The following DLG2 variants were observed in gnomAD, a reference collection of about 807,000 sequenced individuals.
DLG2 encodes the protein disks large homolog 2.
A neutral mutation model predicts 132.5 loss-of-function variants in DLG2; 45 were observed. That is an observed-to-expected ratio of 0.34 (90% CI 0.27 to 0.44). The LOEUF (loss-of-function observed/expected upper bound fraction) is 0.44, where lower values mean the gene tolerates loss of function less well. Among genes scored for constraint, DLG2 ranks in the 20% least tolerant of loss-of-function variants. The pLI, the probability that DLG2 is intolerant of heterozygous loss-of-function variation, is 1.00. For missense variants in DLG2, 1,045 were observed against 1,196.9 expected (o/e 0.87, Z 1.87); for synonymous variants, 424 against 419.6 (o/e 1.01, Z -0.13).
At chr11:83,879,787 T>C (rs972355841) in intron 15 of DLG2, among the ~76,000 whole-genome samples, 2 of 152,174 alleles carry the variant, frequency 1.3e-5, no homozygotes, top group African/African-American at 4.8e-5. Context: ...GATGACTCTT[T>C]CATTCCTCAA....
At chr11:83,778,766 A>G (rs2094690564) in intron 18 of DLG2, among the ~76,000 whole-genome samples, 2 of 152,120 alleles carry the variant, frequency 1.3e-5, no homozygotes, top group Admixed American at 1.3e-4. Flanking sequence ...AGCATGATTA[A>G]TTATTAAGGA....
At chr11:83,499,560 G>A (rs1209342794) in intron 21 of DLG2, among the ~76,000 whole-genome samples, 1 of 151,278 alleles carries the variant, frequency 6.6e-6, no homozygotes, top group Admixed American at 6.6e-5. Flanking sequence ...ATTAATAACT[G>A]GTCCCAAGAA....
chr11:85,134,528 C>CAAAAAAAA (rs58266385), intron 5 of DLG2, among the ~76,000 whole-genome samples: 1 of 34,960 alleles, frequency 2.9e-5, no homozygotes, highest in African/African-American at 9.8e-5. Context: ...GACTCCGTCT[C>CAAAAAAAA]AAAAAAAAAA....
chr11:85,461,033 T>C (rs774565486), intron 3 of DLG2, among the ~76,000 whole-genome samples: 16 of 152,204 alleles, frequency 1.1e-4, no homozygotes, highest in African/African-American at 3.4e-4. Flanking sequence ...CCACTGCAAA[T>C]ATATGTTTTC....
chr11:84,143,672 T>G (rs758691478), intron 9 of DLG2, among the ~76,000 whole-genome samples: 6 of 152,160 alleles, frequency 3.9e-5, no homozygotes, highest in Non-Finnish European at 7.4e-5. Flanking sequence ...TTGAAATAAT[T>G]TCAGTTTTTC....
intron 6 of DLG2, among the ~76,000 whole-genome samples, chr11:84,615,137 A>G (rs1171204215): frequency 6.6e-6 from 1 of 152,144 alleles, no homozygotes; most frequent in Non-Finnish European, 1.5e-5. Flanking sequence ...GTTATGTGAA[A>G]ATCATGAAAA....
chr11:85,313,148 A>T (rs1345142430), intron 3 of DLG2, among the ~76,000 whole-genome samples: 1 of 151,928 alleles, frequency 6.6e-6, no homozygotes, highest in African/African-American at 2.4e-5. Context: ...ATAAATTTTT[A>T]AAAAAGGGGA....
chr11:84,024,184 C>T (rs2154080734), intron 11 of DLG2, among the ~76,000 whole-genome samples: 1 of 152,196 alleles, frequency 6.6e-6, no homozygotes, highest in East Asian at 1.9e-4. Flanking sequence ...GATCTGAAGG[C>T]ACGAGAAAGC....
At chr11:84,524,881 C>T (rs558369981) in intron 7 of DLG2, among the ~76,000 whole-genome samples, 194 of 147,922 alleles carry the variant, frequency 1.3e-3, no homozygotes, top group Non-Finnish European at 2.2e-3. Flanking sequence ...TAATCAAATA[C>T]GTATTTTAAA....
At chr11:85,412,760 C>CATATATAT (rs200280952) in intron 3 of DLG2, among the ~76,000 whole-genome samples, 1 of 113,242 alleles carries the variant, frequency 8.8e-6, no homozygotes, top group African/African-American at 3.7e-5. Context: ...CACACACACA[C>CATATATAT]ATATATATAT....
chr11:84,533,992 A>T (rs186127146), intron 7 of DLG2, among the ~76,000 whole-genome samples: 5 of 150,358 alleles, frequency 3.3e-5, no homozygotes, highest in African/African-American at 4.9e-5. Flanking sequence ...TCATTTAATT[A>T]TACCTTCTTC....
intron 11 of DLG2, among the ~76,000 whole-genome samples, chr11:83,992,368 G>A (rs1047240162): frequency 6.6e-6 from 1 of 152,070 alleles, no homozygotes; most frequent in Admixed American, 6.6e-5. Context: ...CATATAGGTG[G>A]GCGGCCTACC....
rs184665910 is a variant in DLG2 at position 85,236,611 on chromosome 11, G to A, written c.186+48609C>T. 8.6e-4 allele frequency among the ~76,000 whole-genome samples: 131 copies of A among 152,076 alleles called. 1 individual carries two copies. The highest frequency in any genetic ancestry group is 3.0e-3 in the African/African-American group (126 of 41,520). ...AATGGGGATTAGGGCTTCAACATAC[G>A]AATTTCAGGGGAGACATAATTTAGT... On this transcript the variant is annotated intron_variant, in intron 4 of 27. Coordinates refer to ENST00000376104, the MANE Select transcript of DLG2 (RefSeq NM_001142699.3).
intron 6 of DLG2, among the ~76,000 whole-genome samples, chr11:84,881,226 A>G (rs1377090456): frequency 1.3e-5 from 2 of 152,130 alleles, no homozygotes; most frequent in Non-Finnish European, 2.9e-5. Context: ...CTTCCTGATA[A>G]CAGGTTATAA....
intron 18 of DLG2, among the ~76,000 whole-genome samples, chr11:83,661,338 G>C (rs2074219081): frequency 1.3e-5 from 2 of 151,982 alleles, no homozygotes; most frequent in Non-Finnish European, 2.9e-5. Context: ...TTGTTATGGA[G>C]ACAAACTCTG....
chr11:85,557,428 C>A (rs2077000060), intron 3 of DLG2, among the ~76,000 whole-genome samples: 1 of 151,826 alleles, frequency 6.6e-6, no homozygotes, highest in South Asian at 2.1e-4. Context: ...CTACCAACAT[C>A]ATTTGTCATA....
At position 85,285,484 on chromosome 11, in the gene DLG2, T is replaced by A. The variant is rs183021264; in HGVS notation, c.41-119A>T. On this transcript the variant is annotated intron_variant, in intron 3 of 27. Coordinates refer to ENST00000376104, the MANE Select transcript of DLG2 (RefSeq NM_001142699.3). ...TTGCTGATTAAAAGAACTGCATAAA[T>A]ATATATCCCAAAGTAAAACAGAAGA... 3.8e-5 allele frequency: 32 copies of A among 847,322 alleles called. No homozygotes were observed. In the Admixed American group the frequency reaches 7.5e-4, roughly 20 times the overall value. The allele number at this position is 847,322 out of a possible 1,614,324, so 52.5% of individuals were successfully genotyped here. A position where few individuals can be genotyped will look rare whatever the true frequency, so the allele number is the denominator to read the frequency against.
chr11:84,060,791 C>A (rs2096579372), intron 10 of DLG2, among the ~76,000 whole-genome samples: 1 of 151,970 alleles, frequency 6.6e-6, no homozygotes, highest in Admixed American at 6.6e-5. Context: ...AAATGAGGGG[C>A]CTCCTTTGCT....
intron 4 of DLG2, among the ~76,000 whole-genome samples, chr11:85,271,641 T>C (rs905706128): frequency 6.6e-6 from 1 of 152,206 alleles, no homozygotes; most frequent in Non-Finnish European, 1.5e-5. Flanking sequence ...GACCCAGCTC[T>C]TGCATAGCAT....
Sources: allele counts gnomAD v4.1 joint callset (sites outside exome capture counted in the v4.1 genomes callset), GRCh38; gene constraint gnomAD v4.1.1; transcripts MANE v1.5; gene names NCBI Gene and HGNC (gene_info 2026-07-23, HGNC 2026-07-21).